The following GABRG3 variants were observed in gnomAD, a reference collection of about 807,000 sequenced individuals.
GABRG3 encodes gamma-aminobutyric acid type A receptor subunit gamma3, also known as gamma-aminobutyric acid receptor subunit gamma-3.
GABRG3 carries 25 observed loss-of-function variants against 48.8 expected under a neutral mutation model. The ratio of observed to expected loss-of-function variants is 0.51; its 90% confidence interval spans 0.37 to 0.72. The LOEUF (loss-of-function observed/expected upper bound fraction) is 0.72. Among genes scored for constraint, GABRG3 ranks in the 30% least tolerant of loss-of-function variants. GABRG3 has a pLI of 0.00. For synonymous variants in GABRG3, 227 were observed against 217.6 expected, an observed-to-expected ratio of 1.04 and a Z score of -0.38; for missense variants, 394 against 577.9, an observed-to-expected ratio of 0.68 and a Z score of 3.26.
intron 3 of GABRG3, among the ~76,000 whole-genome samples, chr15:27,238,469 G>A (rs998786172): frequency 1.3e-5 from 2 of 152,200 alleles, no homozygotes; most frequent in African/African-American, 2.4e-5. Context: ...GGCCCTGGAG[G>A]ATATTGTGGA....
intron 5 of GABRG3, among the ~76,000 whole-genome samples, chr15:27,399,357 C>T (rs1316067350): frequency 2.6e-5 from 4 of 152,112 alleles, no homozygotes; most frequent in African/African-American, 9.7e-5. Flanking sequence ...CAGAAATGAA[C>T]ACGTGCTTTC....
intron 3 of GABRG3, among the ~76,000 whole-genome samples, chr15:27,265,886 T>TTTTG (rs907407676): frequency 1.4e-5 from 2 of 147,914 alleles, no homozygotes; most frequent in African/African-American, 2.6e-5. Flanking sequence ...CTCCTGGTTT[T>TTTTG]TTTTTTTTTT....
intron 3 of GABRG3, among the ~76,000 whole-genome samples, chr15:27,065,879 A>C (rs761860392): frequency 2.0e-5 from 3 of 152,202 alleles, no homozygotes; most frequent in Non-Finnish European, 4.4e-5. Flanking sequence ...CAGCTGCAAC[A>C]CTGTGTGGAC....
At chr15:27,044,666 G>A (rs1295165936) in intron 3 of GABRG3, among the ~76,000 whole-genome samples, 1 of 152,214 alleles carries the variant, frequency 6.6e-6, no homozygotes, top group Non-Finnish European at 1.5e-5. Context: ...GAAGGGGGCA[G>A]GCCCTAGAAT....
intron 7 of GABRG3, among the ~76,000 whole-genome samples, chr15:27,522,701 T>A (rs8026651): frequency 0.068 from 10,319 of 151,714 alleles, 1,203 homozygotes; most frequent in African/African-American, 0.24. Context: ...AAGAATTCAA[T>A]GTAGAAATAA....
chr15:27,235,400 T>G (rs1889928258), intron 3 of GABRG3, among the ~76,000 whole-genome samples: 1 of 150,586 alleles, frequency 6.6e-6, no homozygotes, highest in Non-Finnish European at 1.5e-5. Flanking sequence ...CAGGGTTATC[T>G]CTCAGTGACT....
In GABRG3 at chr15:27,533,005, T is replaced by G. The variant is rs749149060; in HGVS notation, c.*124T>G. On this transcript the variant is annotated 3_prime_UTR_variant, in exon 10 of 10. Transcript: ENST00000615808. ...ACTGCCCAGTGTATCTTGTTATAAA[T>G]GACCTTTCAGCAACACAGGAAGTAC... The G allele has an allele frequency of 4.2e-5, 38 of 904,008 alleles. No individual in the cohort carries two copies. Among genetic ancestry groups the G allele is most frequent in the Non-Finnish European group, 6.2e-5 (38 of 609,362 alleles). The allele number at this position is 904,008 out of a possible 1,614,324, so 56.0% of individuals were successfully genotyped here.
intron 3 of GABRG3, among the ~76,000 whole-genome samples, chr15:27,221,667 G>A (rs960073017): frequency 4.6e-5 from 7 of 152,200 alleles, no homozygotes; most frequent in East Asian, 1.9e-4. Context: ...ATTTTGTCTT[G>A]TTACAACCAA....
chr15:27,186,733 TG>T (rs1888110404), intron 3 of GABRG3, among the ~76,000 whole-genome samples: 1 of 152,308 alleles, frequency 6.6e-6, no homozygotes, highest in East Asian at 1.9e-4. Flanking sequence ...ATTGTGGTTT[TG>T]ATTTGCACTT....
chr15:27,527,371 C>G, intron 7 of GABRG3, 62 bp from the exon 8 acceptor site: 2 of 1,504,496 alleles, frequency 1.3e-6, no homozygotes, highest in Admixed American at 3.5e-5. Flanking sequence ...ATGTGGGTGA[C>G]CGTCTGGGAT....
chr15:27,154,064 A>G (rs998979615), intron 3 of GABRG3, among the ~76,000 whole-genome samples: 5 of 152,146 alleles, frequency 3.3e-5, no homozygotes, highest in South Asian at 2.1e-4. Context: ...AGTATATGTA[A>G]CAGGAACTCC....
chr15:27,484,921 A>T (rs1034688086), intron 6 of GABRG3, among the ~76,000 whole-genome samples: 3 of 152,244 alleles, frequency 2.0e-5, no homozygotes, highest in Non-Finnish European at 4.4e-5. Flanking sequence ...GAATAAATAC[A>T]TACAAACATG....
At chr15:27,126,329 G>T (rs1453861097) in intron 3 of GABRG3, among the ~76,000 whole-genome samples, 1 of 152,216 alleles carries the variant, frequency 6.6e-6, no homozygotes, top group Non-Finnish European at 1.5e-5. Context: ...CAGCATGTAG[G>T]CAGGGGAGGG....
At chr15:27,512,545 G>C (rs866799392) in intron 6 of GABRG3, among the ~76,000 whole-genome samples, 2 of 152,142 alleles carry the variant, frequency 1.3e-5, no homozygotes, top group Non-Finnish European at 2.9e-5. Context: ...ATGATGCAAG[G>C]GTAGATGAGT....
At position 27,398,608 on chromosome 15, in the gene GABRG3, G is replaced by T. The variant is rs1256577255; in HGVS notation, c.574+69720G>T. Among the ~76,000 whole-genome samples, 3 of 151,930 alleles carry T rather than the reference G, an allele frequency of 2.0e-5. No individual in the cohort carries two copies. The East Asian group carries it at 5.8e-4, about 29-fold the overall frequency. On this transcript the variant is annotated intron_variant, in intron 5 of 9. Transcript: ENST00000615808. ...GTATAGTGGAAGTGTAGAAAGTAAG[G>T]CTCCTGAGTTCAAAGAAGTCTTTCC...
chr15:27,248,803 C>CACACACAGAGAGAGAGAGAG (rs1377080195), intron 3 of GABRG3, among the ~76,000 whole-genome samples: 1 of 110,172 alleles, frequency 9.1e-6, no homozygotes, highest in African/African-American at 3.9e-5. Flanking sequence ...CACACACACA[C>CACACACAGAGAGAGAGAGAG]AGAGAGAGAG....
intron 6 of GABRG3, among the ~76,000 whole-genome samples, chr15:27,506,304 G>A (rs898379617): frequency 1.3e-5 from 2 of 152,146 alleles, no homozygotes; most frequent in African/African-American, 4.8e-5. Flanking sequence ...TTATCTGGGT[G>A]GGCTTTAATT....
chr15:27,265,687 A>T (rs1890895772), intron 3 of GABRG3, among the ~76,000 whole-genome samples: 1 of 152,164 alleles, frequency 6.6e-6, no homozygotes, highest in Admixed American at 6.5e-5. Context: ...GTCCTTTATC[A>T]AGTATGGACG....
At chr15:27,055,091 A>G (rs1205480252) in intron 3 of GABRG3, among the ~76,000 whole-genome samples, 1 of 151,596 alleles carries the variant, frequency 6.6e-6, no homozygotes, top group Non-Finnish European at 1.5e-5. Context: ...CAGCAGCAGC[A>G]GCAACAACAA....
Sources: gnomAD v4.1 joint callset for allele counts (sites outside exome capture counted in the v4.1 genomes callset) on GRCh38, gnomAD v4.1.1 for gene constraint, MANE v1.5 for transcripts, NCBI Gene and HGNC (gene_info 2026-07-23, HGNC 2026-07-21) for gene names.